ADAMTSL3: variants seen among roughly 807,000 people sequenced by gnomAD.
ADAMTSL3 encodes the protein ADAMTS-like protein 3.
A neutral mutation model predicts 201.7 loss-of-function variants in ADAMTSL3; 128 were observed. The observed-to-expected ratio is 0.63, with a 90% CI of 0.55 to 0.73. The LOEUF (loss-of-function observed/expected upper bound fraction) is 0.73, where lower values mean the gene tolerates loss of function less well. ADAMTSL3 is among the 30% of genes least tolerant of loss of function. ADAMTSL3 has a pLI of 0.00. For synonymous variants in ADAMTSL3, 738 were observed against 748.4 expected, an observed-to-expected ratio of 0.99 and a Z score of 0.23; for missense variants, 1,990 against 2,119.6, an observed-to-expected ratio of 0.94 and a Z score of 1.20.
intron 2 of ADAMTSL3, among the ~76,000 whole-genome samples, chr15:83,689,206 G>C (rs1187405596): frequency 4.6e-5 from 7 of 152,138 alleles, no homozygotes. Flanking sequence ...ATAAATTTGT[G>C]TAGTGCCCAA....
chr15:83,804,294 T>C (rs1239979521), intron 4 of ADAMTSL3, among the ~76,000 whole-genome samples: 1 of 152,214 alleles, frequency 6.6e-6, no homozygotes, highest in Non-Finnish European at 1.5e-5. Flanking sequence ...TTCTTCTACA[T>C]GTAGCATTTC....
At chr15:83,732,413 G>C (rs2062293724) in intron 3 of ADAMTSL3, among the ~76,000 whole-genome samples, 1 of 152,078 alleles carries the variant, frequency 6.6e-6, no homozygotes, top group African/African-American at 2.4e-5. Flanking sequence ...CTGCCTAACA[G>C]ATGCTTCCTT....
chr15:83,672,344 G>T (rs2061339647), intron 2 of ADAMTSL3, among the ~76,000 whole-genome samples: 1 of 152,174 alleles, frequency 6.6e-6, no homozygotes, highest in Non-Finnish European at 1.5e-5. Context: ...TGCTCCAGGG[G>T]GTCTGGAAGA....
At chr15:83,817,134 A>T (rs1184803610) in intron 5 of ADAMTSL3, among the ~76,000 whole-genome samples, 3 of 152,244 alleles carry the variant, frequency 2.0e-5, no homozygotes, top group Non-Finnish European at 4.4e-5. Context: ...TAATACAACT[A>T]ATCTCAGAAG....
intron 2 of ADAMTSL3, among the ~76,000 whole-genome samples, chr15:83,676,839 G>A (rs565448872): frequency 6.6e-5 from 10 of 152,310 alleles, no homozygotes; most frequent in Admixed American, 1.3e-4. Context: ...AAAACACAGT[G>A]AGAAGACACA....
In ADAMTSL3 at chr15:83,991,148, G is replaced by A. The variant is rs181714834; in HGVS notation, c.3907G>A (p.Val1303Ile). Residue 1303 changes from valine to isoleucine, a missense_variant, in exon 23 of 30, where the codon GTT (valine) becomes ATT (isoleucine). Val to Ile is a conservative substitution (Grantham distance 29). Coordinates refer to ENST00000286744, the MANE Select transcript of ADAMTSL3 (RefSeq NM_207517.3). ...ITKPEHNHLS[V>I]VVGGIVEAAL... ...CAAACCAGAGCACAACCATCTGTCT[G>A]TTGTGGTTGGAGGCATCGTGGAGGC... 4.4e-5 allele frequency: 71 copies of A among 1,614,244 alleles called. No individual in the cohort carries two copies. In the African/African-American group the frequency reaches 8.7e-4, roughly 20 times the overall value.
intron 2 of ADAMTSL3, among the ~76,000 whole-genome samples, chr15:83,695,524 T>C (rs2061676618): frequency 6.6e-6 from 1 of 152,114 alleles, no homozygotes; most frequent in Non-Finnish European, 1.5e-5. Context: ...CTCATATTTC[T>C]TTTGAAAATG....
intron 3 of ADAMTSL3, among the ~76,000 whole-genome samples, chr15:83,718,429 C>T (rs926272201): frequency 3.9e-5 from 6 of 152,192 alleles, no homozygotes; most frequent in Admixed American, 1.3e-4. Flanking sequence ...TGAAGCCAGG[C>T]GCAGTGGCTC....
intron 8 of ADAMTSL3, among the ~76,000 whole-genome samples, chr15:83,870,043 G>C (rs915021506): frequency 4.6e-5 from 7 of 152,166 alleles, no homozygotes; most frequent in African/African-American, 1.7e-4. Flanking sequence ...TTTAAATAAA[G>C]TACAAATGTT....
chr15:83,696,845 G>T (rs939658627), intron 2 of ADAMTSL3, among the ~76,000 whole-genome samples: 2 of 152,138 alleles, frequency 1.3e-5, no homozygotes, highest in African/African-American at 4.8e-5. Flanking sequence ...ATGGAGTCCA[G>T]ATCTAAAACA....
Position 83,899,651 on chromosome 15 carries a change from A to C in ADAMTSL3, c.1620A>C (p.Lys540Asn). ...TTTATGTTCTCTTTTTCTTAGAAAAAAGTCCAGTGGAAGCAAAATTGCCTT... is the reference window on the plus strand; with the variant it reads ...TTTATGTTCTCTTTTTCTTAGAAAACAGTCCAGTGGAAGCAAAATTGCCTT... Reference protein sequence around the residue: ...IPIPCYKPKEKSPVEAKLPWL... With the variant: ...IPIPCYKPKENSPVEAKLPWL... Residue 540 changes from lysine (K) to asparagine (N), a missense_variant, in exon 15 of 30, where the codon AAA becomes AAC. Coordinates refer to ENST00000286744, the MANE Select transcript of ADAMTSL3 (RefSeq NM_207517.3). The C allele has an allele frequency of 6.2e-7, 1 of 1,611,042 alleles. No individual in the cohort carries two copies. Among genetic ancestry groups the C allele is most frequent in the Non-Finnish European group, 8.5e-7 (1 of 1,178,108 alleles).
intron 9 of ADAMTSL3, among the ~76,000 whole-genome samples, chr15:83,881,273 C>T (rs1386968161): frequency 1.3e-5 from 2 of 152,166 alleles, no homozygotes; most frequent in African/African-American, 2.4e-5. Context: ...TATGATAGAA[C>T]TTTCTAGGGT....
intron 15 of ADAMTSL3, among the ~76,000 whole-genome samples, chr15:83,905,518 G>A (rs556046029): frequency 6.6e-6 from 1 of 152,324 alleles, no homozygotes; most frequent in South Asian, 2.1e-4. Flanking sequence ...GCAGCTGGAG[G>A]AGCCAGCAAG....
chr15:83,771,874 T>A (rs1197455224), intron 3 of ADAMTSL3, among the ~76,000 whole-genome samples: 1 of 146,262 alleles, frequency 6.8e-6, no homozygotes, highest in African/African-American at 2.6e-5. Flanking sequence ...TTTTTTTTTC[T>A]GAGACAGAAT....
At chr15:83,964,125 G>C (rs1247522528) in intron 19 of ADAMTSL3, among the ~76,000 whole-genome samples, 1 of 152,154 alleles carries the variant, frequency 6.6e-6, no homozygotes, top group Non-Finnish European at 1.5e-5. Context: ...CACCTGCAAA[G>C]TGTCACAACT....
chr15:83,851,483 T>C (rs2064611914), intron 7 of ADAMTSL3, among the ~76,000 whole-genome samples: 1 of 152,216 alleles, frequency 6.6e-6, no homozygotes, highest in Non-Finnish European at 1.5e-5. Context: ...TTCCCCAAGA[T>C]ACCACAGCCT....
chr15:83,759,532 T>A (rs1346479197), intron 3 of ADAMTSL3, among the ~76,000 whole-genome samples: 1 of 152,178 alleles, frequency 6.6e-6, no homozygotes, highest in Non-Finnish European at 1.5e-5. Flanking sequence ...GCCAGCAGTA[T>A]TTTTTTAAAT....
chr15:83,756,153 T>TGAA (rs2062716722), intron 3 of ADAMTSL3, among the ~76,000 whole-genome samples: 1 of 152,216 alleles, frequency 6.6e-6, no homozygotes, highest in East Asian at 1.9e-4. Flanking sequence ...TACCGTAATG[T>TGAA]TTTCCACAGT....
chr15:83,687,564 A>G (rs2554383), intron 2 of ADAMTSL3, among the ~76,000 whole-genome samples: 129,770 of 152,038 alleles, frequency 0.85, 55,863 homozygotes, highest in East Asian at 0.96. Flanking sequence ...TAGCTGTTAC[A>G]TCCTCTGTCC....
Sources: allele counts gnomAD v4.1 joint callset (sites outside exome capture counted in the v4.1 genomes callset), GRCh38; gene constraint gnomAD v4.1.1; transcripts MANE v1.5; gene names NCBI Gene and HGNC (gene_info 2026-07-23, HGNC 2026-07-21).